The following KCNT2 variants were observed in gnomAD, a reference collection of about 807,000 sequenced individuals.
KCNT2 encodes potassium sodium-activated channel subfamily T member 2.
Under a neutral mutation model 153.8 loss-of-function variants are expected in KCNT2, and 67 were observed. That is an observed-to-expected ratio of 0.44 (90% CI 0.36 to 0.53). The LOEUF (loss-of-function observed/expected upper bound fraction) is 0.53. Ranked by LOEUF, KCNT2 falls within the 20% of genes least tolerant of loss-of-function variation. The pLI is 0.00. For synonymous variants in KCNT2, 500 were observed against 458.8 expected (o/e 1.09, Z -1.15); for missense variants, 975 against 1,354.8 (o/e 0.72, Z 4.40).
intron 16 of KCNT2, among the ~76,000 whole-genome samples, chr1:196,339,787 T>A (rs528266028): frequency 6.6e-6 from 1 of 152,226 alleles, no homozygotes; most frequent in South Asian, 2.1e-4. Context: ...CTTATTTGCA[T>A]GGAGGTATTT....
At chr1:196,567,847 G>C (rs932147484) in intron 1 of KCNT2, among the ~76,000 whole-genome samples, 3 of 152,196 alleles carry the variant, frequency 2.0e-5, no homozygotes, top group African/African-American at 7.2e-5. Context: ...CTCAGTACTG[G>C]AACCTTTCTT....
intron 14 of KCNT2, among the ~76,000 whole-genome samples, chr1:196,349,789 G>T (rs926710738): frequency 6.6e-6 from 1 of 151,316 alleles, no homozygotes; most frequent in Non-Finnish European, 1.5e-5. Context: ...CATGTGCCAC[G>T]CTGGTGTGCT....
chr1:196,602,690 T>C (rs1005089465), intron 1 of KCNT2, among the ~76,000 whole-genome samples: 6 of 152,048 alleles, frequency 3.9e-5, no homozygotes, highest in African/African-American at 1.4e-4. Context: ...GAATTCTTAG[T>C]AGTGATTGAA....
chr1:196,325,634 T>C (rs1404926498), intron 19 of KCNT2, among the ~76,000 whole-genome samples: 1 of 152,158 alleles, frequency 6.6e-6, no homozygotes, highest in Non-Finnish European at 1.5e-5. Flanking sequence ...TTCTGAAATT[T>C]GGTCCAAGTT....
At chr1:196,403,668 G>A (rs1194450563) in intron 12 of KCNT2, among the ~76,000 whole-genome samples, 1 of 151,440 alleles carries the variant, frequency 6.6e-6, no homozygotes, top group African/African-American at 2.4e-5. Flanking sequence ...TGTAGGGGGT[G>A]AGATATGGAC....
rs116660810 is a variant in KCNT2, at chr1:196,538,075, G to T, written c.96-45734C>A. Among the ~76,000 whole-genome samples the T allele has an allele frequency of 7.6e-3, 1,150 of 152,076 alleles. 18 individuals carry two copies. The highest frequency in any genetic ancestry group is 0.063 in the South Asian group (305 of 4,812). ...TCCTGAAGGGCCCTAAACTCTGCTG[G>T]ATCTCTCAGGGACTGGGTGTGTACT... is the stretch of plus-strand genomic sequence containing the variant. On this transcript the variant is annotated intron_variant, in intron 1 of 27. Transcript: ENST00000294725.
intron 25 of KCNT2, chr1:196,273,357 C>T (rs1658247793): frequency 5.9e-6 from 4 of 682,172 alleles, no homozygotes; most frequent in Admixed American, 2.8e-5. Context: ...TGATTTATTT[C>T]ATTTTAATGT....
intron 14 of KCNT2, among the ~76,000 whole-genome samples, chr1:196,363,565 G>A (rs1482801658): frequency 2.6e-5 from 4 of 152,072 alleles, no homozygotes; most frequent in Admixed American, 2.0e-4. Flanking sequence ...TAGTTCATAG[G>A]GCTCTGCCTC....
chr1:196,392,337 C>T (rs1670562551), intron 13 of KCNT2, among the ~76,000 whole-genome samples: 1 of 150,406 alleles, frequency 6.6e-6, no homozygotes. Flanking sequence ...CTGATGATCT[C>T]CACGATAATA....
intron 1 of KCNT2, among the ~76,000 whole-genome samples, chr1:196,510,383 G>A (rs1681512277): frequency 6.6e-6 from 1 of 152,002 alleles, no homozygotes; most frequent in Non-Finnish European, 1.5e-5. Flanking sequence ...CATAAACAAT[G>A]AAACTGCTCC....
At chr1:196,599,412 A>T (rs950588763) in intron 1 of KCNT2, among the ~76,000 whole-genome samples, 1 of 152,208 alleles carries the variant, frequency 6.6e-6, no homozygotes, top group Non-Finnish European at 1.5e-5. Flanking sequence ...GCCAGGAACA[A>T]CCAGTTCACT....
At chr1:196,266,797 C>G (rs1413555214) in intron 25 of KCNT2, among the ~76,000 whole-genome samples, 1 of 152,118 alleles carries the variant, frequency 6.6e-6, no homozygotes, top group Non-Finnish European at 1.5e-5. Context: ...TTAAGGCCAC[C>G]ATTACTTGGT....
At chr1:196,262,331 A>G (rs561742938) in intron 25 of KCNT2, among the ~76,000 whole-genome samples, 49 of 152,094 alleles carry the variant, frequency 3.2e-4, no homozygotes, top group African/African-American at 9.6e-4. Flanking sequence ...GTAGTTTGAA[A>G]ATGAGTGTTT....
chr1:196,370,192 A>C (rs1479354553), intron 14 of KCNT2, among the ~76,000 whole-genome samples: 2 of 152,158 alleles, frequency 1.3e-5, no homozygotes, highest in African/African-American at 4.8e-5. Context: ...TATTTTTGAC[A>C]AGATTGCCAA....
intron 13 of KCNT2, among the ~76,000 whole-genome samples, chr1:196,376,277 AT>A (rs1251426118): frequency 6.6e-6 from 1 of 151,906 alleles, no homozygotes; most frequent in Non-Finnish European, 1.5e-5. Flanking sequence ...GAATTAAAAA[AT>A]ATTCAGATTT....
chr1:196,317,456 T>C (rs1280228904), intron 20 of KCNT2, among the ~76,000 whole-genome samples: 2 of 151,814 alleles, frequency 1.3e-5, no homozygotes, highest in Admixed American at 1.3e-4. Flanking sequence ...AAGAGTTAGA[T>C]GGAAAATGAA....
intron 25 of KCNT2, among the ~76,000 whole-genome samples, chr1:196,261,292 G>A (rs995609951): frequency 1.3e-5 from 2 of 151,810 alleles, no homozygotes; most frequent in Non-Finnish European, 2.9e-5. Flanking sequence ...CCACTTACCA[G>A]TTTGCCTTCT....
In KCNT2 at chr1:196,492,250, T is replaced by C. The variant is rs766798400; in HGVS notation, c.175+12A>G. The C allele has an allele frequency of 4.2e-6, 6 of 1,414,754 alleles. No homozygotes were observed. The highest frequency in any genetic ancestry group is 3.6e-4 in the Middle Eastern group (2 of 5,508). 87.6% of individuals were successfully genotyped at this position (1,414,754 alleles called of 1,614,324 possible). On this transcript the variant is annotated intron_variant, in intron 2 of 27. Coordinates refer to ENST00000294725, the MANE Select transcript of KCNT2 (RefSeq NM_198503.5). The stretch of plus-strand genomic sequence containing the variant: ...TATGTACGAACAGAGGGGAATGAAA[T>C]GAATAACTTACTTGATCTCTGGTTT...
chr1:196,296,079 C>T (rs1002350979), intron 22 of KCNT2, among the ~76,000 whole-genome samples: 5 of 151,912 alleles, frequency 3.3e-5, no homozygotes, highest in Admixed American at 6.6e-5. Context: ...TGATGAATTG[C>T]ATTCAATAAT....
Sources: allele counts gnomAD v4.1 joint callset (sites outside exome capture counted in the v4.1 genomes callset), GRCh38; gene constraint gnomAD v4.1.1; transcripts MANE v1.5; gene names NCBI Gene and HGNC (gene_info 2026-07-23, HGNC 2026-07-21).